Variants in TMEM131 observed in about 807,000 individuals in gnomAD.
TMEM131 encodes the protein transmembrane protein 131, also known as 2610524E03Rik.
In TMEM131, 66 loss-of-function variants were observed where a neutral mutation model predicts 211.6. The observed-to-expected ratio is 0.31, with a 90% CI of 0.26 to 0.38. The LOEUF (loss-of-function observed/expected upper bound fraction) is 0.38, where lower values mean the gene tolerates loss of function less well. TMEM131 is among the 10% of genes least tolerant of loss of function. The pLI, the probability that TMEM131 is intolerant of heterozygous loss-of-function variation, is 1.00. For synonymous variants in TMEM131, 844 were observed against 841.3 expected (o/e 1.00, Z -0.06); for missense variants, 2,036 against 2,299.3 (o/e 0.89, Z 2.34).
intron 31 of TMEM131, among the ~76,000 whole-genome samples, chr2:97,789,112 C>T (rs1313755033): frequency 3.3e-5 from 5 of 152,234 alleles, no homozygotes; most frequent in African/African-American, 1.2e-4. Context: ...GGTGATGGCG[C>T]TTCACACAAA....
chr2:97,954,263 C>T (rs1395101701), intron 1 of TMEM131, among the ~76,000 whole-genome samples: 6 of 152,114 alleles, frequency 3.9e-5, no homozygotes, highest in Non-Finnish European at 7.4e-5. Context: ...ACTGAAAAGG[C>T]TCTAGCAAGA....
intron 1 of TMEM131, among the ~76,000 whole-genome samples, chr2:97,956,675 A>C (rs1678580441): frequency 7.0e-6 from 1 of 143,116 alleles, no homozygotes. Flanking sequence ...TTTTTCATTA[A>C]GTAGTGTAAA....
rs576598852 is a variant in TMEM131 at position 97,827,464 on chromosome 2, G to A, written c.1074+5901C>T. On this transcript the variant is annotated intron_variant, in intron 11 of 40. Coordinates refer to ENST00000186436, the MANE Select transcript of TMEM131 (RefSeq NM_015348.2). ...AGTGGCTAACCAAGAAACTAAAGAA[G>A]ATTTACCTGCAGAAAATGGGGAAAC... The A allele has an allele frequency of 6.9e-5, 70 of 1,021,528 alleles. 1 individual carries two copies. In the African/African-American group the frequency reaches 1.1e-3, roughly 16 times the overall value. 63.3% of individuals were successfully genotyped at this position (1,021,528 alleles called of 1,614,324 possible). A position where few individuals can be genotyped will look rare whatever the true frequency, so the allele number is the denominator to read the frequency against.
chr2:97,773,367 GAC>G (rs559818729), intron 32 of TMEM131, among the ~76,000 whole-genome samples: 395 of 152,306 alleles, frequency 2.6e-3, no homozygotes, highest in Non-Finnish European at 3.8e-3. Flanking sequence ...GCAGGAGGGA[GAC>G]ACACGACAGA....
intron 31 of TMEM131, among the ~76,000 whole-genome samples, chr2:97,785,089 G>C (rs1680186247): frequency 1.3e-5 from 2 of 152,054 alleles, no homozygotes; most frequent in Non-Finnish European, 2.9e-5. Context: ...GATGTGAACA[G>C]CCCTGTAACT....
At chr2:97,831,313 G>A (rs1682674028) in intron 11 of TMEM131, among the ~76,000 whole-genome samples, 3 of 152,192 alleles carry the variant, frequency 2.0e-5, no homozygotes, top group Admixed American at 2.0e-4. Context: ...GAGTTCCAGA[G>A]AGCCCTGATA....
chr2:97,793,851 G>A (rs1013275298), intron 29 of TMEM131, among the ~76,000 whole-genome samples: 2 of 151,410 alleles, frequency 1.3e-5, no homozygotes, highest in African/African-American at 4.9e-5. Context: ...AAAATTAGCC[G>A]GCCGTGGTGG....
Position 97,805,282 on chromosome 2 carries a change from A to C in TMEM131, c.2285-77T>G, listed in dbSNP as rs1681244446. ...CCTTCAAATAATTTCTATAGTAACA[A>C]AAGACAGCAATGTACTTTAAAAGTG... On this transcript the variant is annotated intron_variant, in intron 21 of 40. Coordinates refer to ENST00000186436, the MANE Select transcript of TMEM131 (RefSeq NM_015348.2). The C allele has an allele frequency of 2.6e-6, 4 of 1,559,508 alleles. No individual in the cohort carries two copies. The South Asian group carries it at 4.6e-5, about 18-fold the overall frequency.
chr2:97,847,809 T>C (rs571568911), intron 5 of TMEM131, among the ~76,000 whole-genome samples: 15 of 152,340 alleles, frequency 9.8e-5, no homozygotes, highest in African/African-American at 3.6e-4. Flanking sequence ...TATAAGATGT[T>C]AACATCAGAA....
intron 25 of TMEM131, among the ~76,000 whole-genome samples, chr2:97,800,595 C>CAAAAAAAAAAAA (rs3064071): frequency 1.6e-5 from 2 of 123,266 alleles, no homozygotes; most frequent in Non-Finnish European, 3.3e-5. Flanking sequence ...ACTAAAAATA[C>CAAAAAAAAAAAA]AAAAAAAAAA....
At chr2:97,847,894 T>TA (rs1325599555) in intron 5 of TMEM131, among the ~76,000 whole-genome samples, 2 of 151,788 alleles carry the variant, frequency 1.3e-5, no homozygotes, top group East Asian at 1.9e-4. Flanking sequence ...AAGAACATTA[T>TA]AAAAAAAACT....
intron 17 of TMEM131, 37 bp from the exon 18 acceptor site, chr2:97,811,269 G>T: frequency 6.7e-7 from 1 of 1,490,694 alleles, no homozygotes. Context: ...CATTAGCCTT[G>T]TTAGTTGAAG....
intron 40 of TMEM131, among the ~76,000 whole-genome samples, chr2:97,757,634 C>G (rs1678566217): frequency 6.6e-6 from 1 of 152,190 alleles, no homozygotes; most frequent in East Asian, 1.9e-4. Flanking sequence ...CTCCTGGGCT[C>G]AAGTGATCTT....
intron 2 of TMEM131, among the ~76,000 whole-genome samples, chr2:97,913,846 G>A (rs1452022195): frequency 6.6e-6 from 1 of 152,068 alleles, no homozygotes; most frequent in Non-Finnish European, 1.5e-5. Flanking sequence ...GCCACACCAG[G>A]CGCCATTTGA....
intron 33 of TMEM131, among the ~76,000 whole-genome samples, chr2:97,767,290 G>A (rs1422793297): frequency 6.6e-6 from 1 of 152,176 alleles, no homozygotes. Context: ...TATATCTTAA[G>A]TTTCCAAAGC....
At chr2:97,975,660 A>T (rs544415492) in intron 1 of TMEM131, among the ~76,000 whole-genome samples, 15 of 152,270 alleles carry the variant, frequency 9.9e-5, no homozygotes, top group African/African-American at 3.4e-4. Flanking sequence ...CCAAGCCTAG[A>T]TGGCTTCAAT....
At chr2:97,828,859 T>C (rs532815427) in intron 11 of TMEM131, among the ~76,000 whole-genome samples, 8 of 152,372 alleles carry the variant, frequency 5.3e-5, no homozygotes, top group African/African-American at 1.9e-4. Context: ...TTCTAGGTCC[T>C]GTGACAGCCA....
intron 1 of TMEM131, among the ~76,000 whole-genome samples, chr2:97,977,528 T>C (rs1434020161): frequency 6.6e-6 from 1 of 152,158 alleles, no homozygotes; most frequent in East Asian, 1.9e-4. Flanking sequence ...TATCACACAA[T>C]AAAGCAAGTC....
intron 2 of TMEM131, among the ~76,000 whole-genome samples, chr2:97,925,246 A>G (rs981161674): frequency 1.3e-5 from 2 of 152,222 alleles, no homozygotes; most frequent in African/African-American, 4.8e-5. Flanking sequence ...CTTGTAAATG[A>G]AAGAATCTTT....
Sources: gnomAD v4.1 joint callset for allele counts (sites outside exome capture counted in the v4.1 genomes callset) on GRCh38, gnomAD v4.1.1 for gene constraint, MANE v1.5 for transcripts, NCBI Gene and HGNC (gene_info 2026-07-23, HGNC 2026-07-21) for gene names.